MYRIP: variants seen among roughly 807,000 people sequenced by gnomAD.
MYRIP encodes rab effector MyRIP.
Under a neutral mutation model 98.0 loss-of-function variants are expected in MYRIP, and 49 were observed. The observed-to-expected ratio is 0.50, with a 90% CI of 0.40 to 0.63. The LOEUF is 0.63. Ranked by LOEUF, MYRIP falls within the 30% of genes least tolerant of loss-of-function variation. MYRIP has a pLI of 0.00. For missense variants in MYRIP, 1,004 were observed against 1,058.2 expected (o/e 0.95, Z 0.71); for synonymous variants, 404 against 409.5 (o/e 0.99, Z 0.16).
At chr3:40,155,990 C>A (rs1425561980) in intron 4 of MYRIP, among the ~76,000 whole-genome samples, 11 of 152,102 alleles carry the variant, frequency 7.2e-5, no homozygotes, top group Non-Finnish European at 1.6e-4. Flanking sequence ...GAAGCTCTTT[C>A]ATTTAATTAT....
At chr3:39,934,931 C>T (rs898245125) in intron 2 of MYRIP, among the ~76,000 whole-genome samples, 11 of 152,118 alleles carry the variant, frequency 7.2e-5, no homozygotes, top group Admixed American at 5.2e-4. Flanking sequence ...GTTTCCCTCT[C>T]GCTGATACTA....
At chr3:39,989,958 T>C (rs1469265295) in intron 2 of MYRIP, among the ~76,000 whole-genome samples, 1 of 152,204 alleles carries the variant, frequency 6.6e-6, no homozygotes, top group Non-Finnish European at 1.5e-5. Flanking sequence ...AGTCCCAGTG[T>C]TGGCTGTCAC....
At chr3:39,968,979 T>C (rs1945509902) in intron 2 of MYRIP, among the ~76,000 whole-genome samples, 1 of 152,206 alleles carries the variant, frequency 6.6e-6, no homozygotes, top group Non-Finnish European at 1.5e-5. Flanking sequence ...TTTCCATTTG[T>C]TTCCATCTTC....
intron 3 of MYRIP, among the ~76,000 whole-genome samples, chr3:40,095,226 T>C (rs1178947065): frequency 1.3e-5 from 2 of 152,182 alleles, no homozygotes; most frequent in Non-Finnish European, 2.9e-5. Context: ...AAGCTGACCT[T>C]ATACCTCCTC....
intron 3 of MYRIP, among the ~76,000 whole-genome samples, chr3:40,136,144 A>C (rs1295533881): frequency 6.6e-6 from 1 of 152,198 alleles, no homozygotes; most frequent in Admixed American, 6.5e-5. Flanking sequence ...AACCCATCTC[A>C]TGTGCGGAGA....
intron 10 of MYRIP, among the ~76,000 whole-genome samples, chr3:40,202,978 G>A (rs112622472): frequency 0.051 from 7,736 of 151,650 alleles, 517 homozygotes; most frequent in African/African-American, 0.15. Context: ...TCGCCAGGCT[G>A]GAGTGCAGTG....
intron 2 of MYRIP, among the ~76,000 whole-genome samples, chr3:40,023,498 C>T (rs1260637613): frequency 1.6e-5 from 1 of 62,988 alleles, no homozygotes; most frequent in East Asian, 5.0e-4. Flanking sequence ...CCTGCACTCA[C>T]TCGATGACAT....
intron 11 of MYRIP, among the ~76,000 whole-genome samples, chr3:40,218,119 A>G (rs1291889126): frequency 6.6e-6 from 1 of 152,132 alleles, no homozygotes. Context: ...CATATAACCC[A>G]ACAATTCTAC....
intron 2 of MYRIP, among the ~76,000 whole-genome samples, chr3:39,960,316 A>C (rs1945290454): frequency 6.6e-6 from 1 of 152,108 alleles, no homozygotes; most frequent in African/African-American, 2.4e-5. Flanking sequence ...CCAAAGTGGG[A>C]ATCAATTCTC....
chr3:39,829,973 T>A (rs900001445), intron 1 of MYRIP, among the ~76,000 whole-genome samples: 10 of 152,198 alleles, frequency 6.6e-5, no homozygotes, highest in Non-Finnish European at 1.3e-4. Flanking sequence ...CTTCCACAGT[T>A]GTAACCTAGA....
chr3:40,113,264 C>T (rs1949198854), intron 3 of MYRIP, among the ~76,000 whole-genome samples: 1 of 152,232 alleles, frequency 6.6e-6, no homozygotes, highest in Admixed American at 6.5e-5. Flanking sequence ...CTGCCTGAGC[C>T]TCCTGAGTAT....
intron 11 of MYRIP, among the ~76,000 whole-genome samples, chr3:40,221,042 CAAAAAAAAAA>C (rs150976340): frequency 3.2e-5 from 2 of 61,610 alleles, no homozygotes; most frequent in Admixed American, 4.7e-4. Flanking sequence ...GGCAAGTCAC[CAAAAAAAAAA>C]AAAAAAAAAA....
chr3:39,961,167 A>G (rs539196312), intron 2 of MYRIP, among the ~76,000 whole-genome samples: 4 of 152,232 alleles, frequency 2.6e-5, no homozygotes, highest in African/African-American at 4.8e-5. Context: ...GTTCAGGGTT[A>G]AAGTCAAGGA....
At chr3:40,231,987 A>C (rs1056689678) in intron 11 of MYRIP, among the ~76,000 whole-genome samples, 1 of 152,188 alleles carries the variant, frequency 6.6e-6, no homozygotes, top group African/African-American at 2.4e-5. Context: ...TTTGTCTCCA[A>C]AATCTGCCAC....
intron 12 of MYRIP, 42 bp downstream of exon 12, chr3:40,234,095 T>G: frequency 6.5e-7 from 1 of 1,543,962 alleles, no homozygotes; most frequent in Non-Finnish European, 8.7e-7. Context: ...TGAATGTATG[T>G]GAAGAAGAAG....
chr3:39,962,456 T>G (rs1184899171), intron 2 of MYRIP, among the ~76,000 whole-genome samples: 1 of 111,154 alleles, frequency 9.0e-6, no homozygotes, highest in East Asian at 2.6e-4. Context: ...TGGGCTAGTT[T>G]TTTTTTTTTT....
rs1951685368 is a variant in MYRIP at position 40,204,016 on chromosome 3, A to ATATATATTATATATAT, written c.1666-5822_1666-5807dup. ...TTATATATATTATATATTATATATA[A>ATATATATTATATATAT]TATATATTATATATATTATATATTA... On this transcript the variant is annotated intron_variant, in intron 10 of 16. Coordinates refer to ENST00000302541, the MANE Select transcript of MYRIP (RefSeq NM_015460.4). Among the ~76,000 whole-genome samples the ATATATATTATATATAT allele has an allele frequency of 5.6e-4, 5 of 9,006 alleles. 1 individual carries two copies. Among genetic ancestry groups the ATATATATTATATATAT allele is most frequent in the African/African-American group, 1.3e-3 (5 of 3,996 alleles). 5.9% of individuals were successfully genotyped at this position (9,006 alleles called of 152,430 possible). A position where few individuals can be genotyped will look rare whatever the true frequency, so the allele number is the denominator to read the frequency against.
intron 1 of MYRIP, among the ~76,000 whole-genome samples, chr3:39,883,169 TG>T (rs954761979): frequency 2.0e-5 from 3 of 152,136 alleles, no homozygotes; most frequent in Non-Finnish European, 4.4e-5. Flanking sequence ...ATTAGAGGCC[TG>T]GCAAGGGGAG....
At chr3:40,099,908 G>A (rs1003275346) in intron 3 of MYRIP, 2 of 823,434 alleles carry the variant, frequency 2.4e-6, no homozygotes, top group South Asian at 5.6e-5. Context: ...AATGAGCTTT[G>A]GTGCCTCTCT....
Sources: allele counts gnomAD v4.1 joint callset (sites outside exome capture counted in the v4.1 genomes callset), GRCh38; gene constraint gnomAD v4.1.1; transcripts MANE v1.5; gene names NCBI Gene and HGNC (gene_info 2026-07-23, HGNC 2026-07-21).